The following PPL variants were observed in gnomAD, a reference collection of about 807,000 sequenced individuals.
The protein encoded by PPL is 190 kDa paraneoplastic pemphigus antigen.
In PPL, 198 loss-of-function variants were observed where a neutral mutation model predicts 194.4. The observed-to-expected ratio is 1.02, with a 90% CI of 0.91 to 1.15. The LOEUF (loss-of-function observed/expected upper bound fraction) is 1.15. PPL is among the 50% of genes most tolerant of loss of function. The pLI, the probability that PPL is intolerant of heterozygous loss-of-function variation, is 0.00. For missense variants in PPL, 2,885 were observed against 2,294.8 expected (o/e 1.26, Z -5.25); for synonymous variants, 1,220 against 972.4 (o/e 1.25, Z -4.74).
In PPL at chr16:4,884,030, G is replaced by A. The variant is rs745836696; in HGVS notation, c.4625C>T (p.Ala1542Val). 1.2e-6 allele frequency: 2 copies of A among 1,613,654 alleles called. No individual in the cohort carries two copies. Among genetic ancestry groups the A allele is most frequent in the East Asian group, 4.5e-5 (2 of 44,856 alleles). ...ELDVEVSRLEARLSELEFHNS... is the reference protein window; with the variant it reads ...ELDVEVSRLEVRLSELEFHNS... Reference sequence around the variant, plus strand: ...ATGGAATTCCAGCTCCGAAAGCCTGGCTTCCAGCCGGCTCACCTCGACGTC... The same window carrying A: ...ATGGAATTCCAGCTCCGAAAGCCTGACTTCCAGCCGGCTCACCTCGACGTC... Residue 1542 changes from alanine to valine, a missense_variant, in exon 22 of 22, where the codon GCC (alanine) becomes GTC (valine). By Grantham distance (64) the Ala-to-Val change is moderately conservative. Coordinates refer to ENST00000345988, the MANE Select transcript of PPL (RefSeq NM_002705.5). This position sits in a 1 kb window ranked among gnomAD's most constrained non-coding sequence, Gnocchi z 5.7.
intron 9 of PPL, among the ~76,000 whole-genome samples, chr16:4,896,553 G>C (rs2088432676): frequency 6.6e-6 from 1 of 152,004 alleles, no homozygotes. Context: ...GAACAGGCAA[G>C]TCCATAGAGA....
intron 1 of PPL, among the ~76,000 whole-genome samples, chr16:4,925,716 C>T (rs976312930): frequency 3.9e-5 from 6 of 152,194 alleles, no homozygotes; most frequent in Admixed American, 2.6e-4. Flanking sequence ...GAAACTGGTC[C>T]GAGTTTACAC....
intron 2 of PPL, among the ~76,000 whole-genome samples, chr16:4,908,022 C>T (rs142500507): frequency 1.1e-3 from 160 of 151,668 alleles, no homozygotes; most frequent in African/African-American, 3.7e-3. Flanking sequence ...ATTAGCTGGG[C>T]GTGGTGGTGC....
In PPL at chr16:4,893,071, C is replaced by G. The variant is rs1317171297; in HGVS notation, c.1650+142G>C. Reference sequence around the variant, plus strand: ...CCTGCCACCTCCATGACTTGGGACCCTTTTACATGCAGCAGGCTGTCCCTG... The same window carrying G: ...CCTGCCACCTCCATGACTTGGGACCGTTTTACATGCAGCAGGCTGTCCCTG... On this transcript the variant is annotated intron_variant, in intron 14 of 21. Coordinates refer to ENST00000345988, the MANE Select transcript of PPL (RefSeq NM_002705.5). 9.6e-6 allele frequency: 11 copies of G among 1,148,648 alleles called. No individual in the cohort carries two copies. In the East Asian group the frequency reaches 2.7e-4, roughly 28 times the overall value. 71.2% of individuals were successfully genotyped at this position (1,148,648 alleles called of 1,614,324 possible).
At position 4,885,109 on chromosome 16, in the gene PPL, G is replaced by A; in HGVS notation, c.3546C>T (p.Pro1182=). Residue 1182 remains proline, a synonymous_variant, in exon 22 of 22, where the codon CCC becomes CCT. Transcript: ENST00000345988. This position sits in a 1 kb window ranked among gnomAD's most constrained non-coding sequence, Gnocchi z 6.3. The part of the protein sequence containing the change: ...EKVREIVRPD[P]KAESEVANLR... ...GGTTCGCCACTTCACTTTCCGCCTT[G>A]GGGTCTGGCCGCACGATCTCCCGCA... 6.2e-7 allele frequency: 1 copy of A among 1,613,896 alleles called. No homozygotes were observed.
Position 4,888,180 on chromosome 16 carries a change from G to A in PPL, c.2436C>T (p.Leu812=), listed in dbSNP as rs140480037. 30 of 1,613,470 alleles carry A rather than the reference G, an allele frequency of 1.9e-5. No homozygotes were observed. In the African/African-American group the frequency reaches 3.3e-4, roughly 18 times the overall value. Residue 812 remains leucine, a synonymous_variant, in exon 20 of 22, where the codon CTC becomes CTT. Transcript: ENST00000345988. ...ELEAEKLRSL[L]DLENGRRSHV... ...GGCTTCTCCTTCCATTCTCCAAGTC[G>A]AGAAGAGACCTTAGTTTTTCTGCTT...
chr16:4,899,028 C>T lies in PPL; in HGVS notation c.861G>A (p.Gly287=), dbSNP rs1459778114. The change falls in exon 8 of 22, where the codon GGG becomes GGA. Residue 287 remains glycine (G), a synonymous_variant. Transcript: ENST00000345988. Reference sequence around the variant, plus strand: ...GTGCATGAACCTCAATGGAGTTCCTCCCGGGGTGCTCGGCCGCCAGCAGCT... The same window carrying T: ...GTGCATGAACCTCAATGGAGTTCCTTCCGGGGTGCTCGGCCGCCAGCAGCT... ...GDQLLAAEHP[G]RNSIEAHMEA... The T allele has an allele frequency of 1.2e-6, 2 of 1,613,632 alleles. No individual in the cohort carries two copies. The highest frequency in any genetic ancestry group is 1.7e-6 in the Non-Finnish European group (2 of 1,179,926).
At chr16:4,929,470 A>G (rs1159913198) in intron 1 of PPL, among the ~76,000 whole-genome samples, 1 of 152,102 alleles carries the variant, frequency 6.6e-6, no homozygotes, top group Non-Finnish European at 1.5e-5. Context: ...CCCTTCACCT[A>G]AACTGGAAAA....
chr16:4,937,057 G>A lies in PPL; in HGVS notation c.-12C>T, dbSNP rs752632663. The stretch of plus-strand genomic sequence containing the variant: ...AAGAGCGAGTTCATGGTGGCGCTCG[G>A]GGTGCGGGCGGCGGCGGCTGGCGGG... On this transcript the variant is annotated 5_prime_UTR_variant, in exon 1 of 22. Transcript: ENST00000345988. 2.1e-6 allele frequency: 3 copies of A among 1,417,754 alleles called. No homozygotes were observed. Among genetic ancestry groups the A allele is most frequent in the Non-Finnish European group, 2.8e-6 (3 of 1,078,348 alleles). The allele number at this position is 1,417,754 out of a possible 1,614,324, so 87.8% of individuals were successfully genotyped here. A position where few individuals can be genotyped will look rare whatever the true frequency, so the allele number is the denominator to read the frequency against.
At chr16:4,887,784 T>C (rs184431886) in intron 20 of PPL, among the ~76,000 whole-genome samples, 1 of 152,136 alleles carries the variant, frequency 6.6e-6, no homozygotes, top group Non-Finnish European at 1.5e-5. Flanking sequence ...TTTGTAGATA[T>C]GGGGTCCTGC....
Position 4,935,116 on chromosome 16 carries a change from G to A in PPL, c.62+1868C>T, listed in dbSNP as rs181606935. Among the ~76,000 whole-genome samples, 547 of 152,308 alleles carry A rather than the reference G, an allele frequency of 3.6e-3. 1 individual carries two copies. The highest frequency in any genetic ancestry group is 5.5e-3 in the Non-Finnish European group (373 of 68,012). On this transcript the variant is annotated intron_variant, in intron 1 of 21. Coordinates refer to ENST00000345988, the MANE Select transcript of PPL (RefSeq NM_002705.5). Reference sequence around the variant, plus strand: ...GTGGCTGCCTTGGGCCAGATATACAGAGAGTGGCAGGACCCCAAATCTTTG... The same window carrying A: ...GTGGCTGCCTTGGGCCAGATATACAAAGAGTGGCAGGACCCCAAATCTTTG...
At chr16:4,907,404 A>C (rs897868954) in intron 2 of PPL, among the ~76,000 whole-genome samples, 2 of 151,876 alleles carry the variant, frequency 1.3e-5, no homozygotes, top group African/African-American at 2.4e-5. Flanking sequence ...TTGTAGGATC[A>C]GGTGGTGGGA....
chr16:4,920,352 A>AAAGT, intron 1 of PPL, among the ~76,000 whole-genome samples: 1 of 70,756 alleles, frequency 1.4e-5, no homozygotes, highest in African/African-American at 3.0e-5. Flanking sequence ...AGAGAGAAAG[A>AAAGT]AAGAAAGAAA....
chr16:4,895,319 C>A lies in PPL; in HGVS notation c.1184G>T (p.Arg395Leu). 1 of 1,613,268 alleles carries A rather than the reference C, an allele frequency of 6.2e-7. No homozygotes were observed. The highest frequency in any genetic ancestry group is 8.5e-7 in the Non-Finnish European group (1 of 1,179,954). The part of the protein sequence containing the change: ...GQQVVPLKYR[R>L]ETPLKPIPVE... ...GGGGATGGGCTTGAGCGGAGTCTCC[C>A]GGCGGTACTTGAGGGGCACCACCTG... is the stretch of plus-strand genomic sequence containing the variant. The change falls in exon 11 of 22, where the codon CGG (arginine) becomes CTG (leucine). Residue 395 changes from arginine to leucine, a missense_variant. Physicochemically the swap from Arg to Leu is moderately radical, Grantham distance 102 (BLOSUM62 -2). Transcript: ENST00000345988.
intron 1 of PPL, among the ~76,000 whole-genome samples, chr16:4,934,555 G>C (rs1366136432): frequency 6.6e-6 from 1 of 152,128 alleles, no homozygotes; most frequent in Non-Finnish European, 1.5e-5. Context: ...GAGATGCCAG[G>C]ATCAACAGTG....
chr16:4,934,089 C>T lies in PPL; in HGVS notation c.62+2895G>A, dbSNP rs374719035. Among the ~76,000 whole-genome samples, 75 of 152,326 alleles carry T rather than the reference C, an allele frequency of 4.9e-4. 3 individuals are homozygous for T. The South Asian group carries it at 0.012, about 25-fold the overall frequency. The stretch of plus-strand genomic sequence containing the variant: ...GGTCGCACAGCCAGGAGGGTGGCAG[C>T]GGGTCTCCTCCAGGGCCTCTCTACT... On this transcript the variant is annotated intron_variant, in intron 1 of 21. Coordinates refer to ENST00000345988, the MANE Select transcript of PPL (RefSeq NM_002705.5).
rs753492223 is a variant in PPL, at chr16:4,887,201, A to G, written c.2541T>C (p.Thr847=). The change falls in exon 21 of 22, where the codon ACT becomes ACC. Residue 847 remains threonine, a synonymous_variant. Transcript: ENST00000345988. ...EEEAALAAKF[T]EVYAINRQRL... ...TCTGTCTGTTGATGGCATAAACTTCAGTGAACTTGGCGGCAAGTGCTGCTT... is the reference window on the plus strand; with the variant it reads ...TCTGTCTGTTGATGGCATAAACTTCGGTGAACTTGGCGGCAAGTGCTGCTT... 42 of 1,614,130 alleles carry G rather than the reference A, an allele frequency of 2.6e-5. 1 individual carries two copies. Among genetic ancestry groups the G allele is most frequent in the Non-Finnish European group, 3.6e-5 (42 of 1,179,968 alleles).
chr16:4,883,962 T>G lies in PPL; in HGVS notation c.4693A>C (p.Asn1565His), dbSNP rs1218442314. The G allele has an allele frequency of 1.2e-6, 2 of 1,613,950 alleles. No homozygotes were observed. The highest frequency in any genetic ancestry group is 2.7e-5 in the African/African-American group (2 of 74,906). Residue 1565 changes from asparagine to histidine, a missense_variant, in exon 22 of 22, where the codon AAC becomes CAC. Physicochemically the swap from Asn to His is moderately conservative, Grantham distance 68. Coordinates refer to ENST00000345988, the MANE Select transcript of PPL (RefSeq NM_002705.5). This position sits in a 1 kb window ranked among gnomAD's most constrained non-coding sequence, Gnocchi z 4.8. ...SKELDFLREE[N>H]HKLQLERQNL... The stretch of plus-strand genomic sequence containing the variant: ...TGCCTCTCCAGCTGTAATTTGTGGT[T>G]CTCTTCCCTCAGAAAGTCTAGTTCC...
At position 4,883,357 on chromosome 16, in the gene PPL, C is replaced by A; in HGVS notation, c.*27G>T. 1 of 1,612,130 alleles carries A rather than the reference C, an allele frequency of 6.2e-7. No homozygotes were observed. The highest frequency in any genetic ancestry group is 1.1e-5 in the South Asian group (1 of 90,952). The stretch of plus-strand genomic sequence containing the variant: ...GTCGTAGGAGAGGGCCAGCGTCTGC[C>A]GTTACGAAGAGTTGCAAGAGCTGTG... On this transcript the variant is annotated 3_prime_UTR_variant, in exon 22 of 22. Coordinates refer to ENST00000345988, the MANE Select transcript of PPL (RefSeq NM_002705.5). The surrounding 1 kb of genome is among the most constrained non-coding windows in gnomAD (Gnocchi z 4.8).
Sources: gnomAD v4.1 joint callset for allele counts (sites outside exome capture counted in the v4.1 genomes callset) on GRCh38, gnomAD v4.1.1 for gene constraint, Gnocchi (gnomAD v3.1) non-coding constraint, MANE v1.5 for transcripts, NCBI Gene and HGNC (gene_info 2026-07-23, HGNC 2026-07-21) for gene names.